NEK6: variants seen among roughly 807,000 people sequenced by gnomAD.
The protein encoded by NEK6 is serine/threonine-protein kinase Nek6.
A neutral mutation model predicts 43.5 loss-of-function variants in NEK6; 27 were observed. That is an observed-to-expected ratio of 0.62 (90% CI 0.46 to 0.86). The LOEUF is 0.86. Ranked by LOEUF, NEK6 falls within the 40% of genes least tolerant of loss-of-function variation. NEK6 has a pLI of 0.00. For synonymous variants in NEK6, 167 were observed against 164.1 expected (o/e 1.02, Z -0.14); for missense variants, 318 against 414.4 (o/e 0.77, Z 2.02).
intron 9 of NEK6, among the ~76,000 whole-genome samples, chr9:124,348,134 C>T (rs1830047089): frequency 1.3e-5 from 2 of 152,318 alleles, no homozygotes; most frequent in Admixed American, 1.3e-4. Flanking sequence ...GTCCCCAGGA[C>T]AGGGTCTGTG....
chr9:124,277,505 T>C (rs1396946750), intron 1 of NEK6, among the ~76,000 whole-genome samples: 1 of 152,168 alleles, frequency 6.6e-6, no homozygotes, highest in Non-Finnish European at 1.5e-5. Context: ...TCCTACCCTT[T>C]CCTGCTGGGT....
In NEK6 at chr9:124,324,710, T is replaced by C. The variant is rs1834247779; in HGVS notation, c.406-1620T>C. Among the ~76,000 whole-genome samples, 1 of 151,926 alleles carries C rather than the reference T, an allele frequency of 6.6e-6. No homozygotes were observed. Among genetic ancestry groups the C allele is most frequent in the Admixed American group, 6.5e-5 (1 of 15,268 alleles). On this transcript the variant is annotated intron_variant, in intron 5 of 9. Transcript: ENST00000320246. The surrounding 1 kb of genome is among the most constrained non-coding windows in gnomAD (Gnocchi z 5.3). ...TGAGAGGGCCTCCCAGAATTGTACC[T>C]CAGAACAGCCTCGAGGGGATTTACG...
chr9:124,297,842 G>C (rs1458954365), intron 1 of NEK6, among the ~76,000 whole-genome samples: 4 of 152,172 alleles, frequency 2.6e-5, no homozygotes, highest in Admixed American at 6.5e-5. Context: ...CGTGTGGCTC[G>C]TCCTTCCACG....
intron 1 of NEK6, among the ~76,000 whole-genome samples, chr9:124,279,876 G>A (rs1260733056): frequency 2.0e-5 from 3 of 152,252 alleles, no homozygotes; most frequent in African/African-American, 7.2e-5. Flanking sequence ...CCTGTGGGAG[G>A]GGAAGGCCTT....
intron 2 of NEK6, among the ~76,000 whole-genome samples, chr9:124,304,682 C>T (rs73666854): frequency 0.01 from 1,586 of 152,312 alleles, 34 homozygotes; most frequent in African/African-American, 0.036. Context: ...AAAGAAACTA[C>T]AACCACCTGA....
At chr9:124,262,225 A>G (rs998341605) in intron 1 of NEK6, among the ~76,000 whole-genome samples, 2 of 152,204 alleles carry the variant, frequency 1.3e-5, no homozygotes, top group African/African-American at 4.8e-5. Context: ...TTAGTTTAAA[A>G]AGAAAAAAAA....
intron 2 of NEK6, among the ~76,000 whole-genome samples, chr9:124,308,731 T>C (rs545423117): frequency 4.0e-5 from 6 of 151,776 alleles, no homozygotes; most frequent in African/African-American, 1.5e-4. Flanking sequence ...GTGATCACAT[T>C]TGGGGCCACC....
intron 8 of NEK6, among the ~76,000 whole-genome samples, chr9:124,340,653 A>T (rs1588541060): frequency 6.6e-6 from 1 of 152,166 alleles, no homozygotes; most frequent in Non-Finnish European, 1.5e-5. Flanking sequence ...CTTTCCCTGG[A>T]GCTGACTTGA....
intron 7 of NEK6, among the ~76,000 whole-genome samples, chr9:124,335,469 G>T (rs1048293062): frequency 6.6e-6 from 1 of 152,146 alleles, no homozygotes; most frequent in African/African-American, 2.4e-5. Context: ...GCTTGTTTGG[G>T]GATTATTGCC....
intron 2 of NEK6, among the ~76,000 whole-genome samples, chr9:124,305,283 G>A (rs905975750): frequency 2.0e-5 from 3 of 152,288 alleles, no homozygotes; most frequent in East Asian, 1.9e-4. Context: ...GGCCGGGCAC[G>A]GTGGCTCACA....
chr9:124,326,318 C>A lies in NEK6; in HGVS notation c.406-12C>A. The A allele has an allele frequency of 6.2e-7, 1 of 1,600,020 alleles. No individual in the cohort carries two copies. Among genetic ancestry groups the A allele is most frequent in the South Asian group, 1.1e-5 (1 of 90,924 alleles). On this transcript the variant is annotated splice_polypyrimidine_tract_variant and intron_variant, in intron 5 of 9. Coordinates refer to ENST00000320246, the MANE Select transcript of NEK6 (RefSeq NM_014397.6). This position sits in a 1 kb window ranked among gnomAD's most constrained non-coding sequence, Gnocchi z 4.5. ...CCCGGGCCTATCCCTCTGCTTGTCT[C>A]CCCCACTGCAGTACTTTAAGAAGCA...
chr9:124,289,726 G>C (rs535741852), intron 1 of NEK6, among the ~76,000 whole-genome samples: 1 of 152,314 alleles, frequency 6.6e-6, no homozygotes, highest in Admixed American at 6.5e-5. Flanking sequence ...TTTAATTCCA[G>C]AGCAACCCAG....
Position 124,347,869 on chromosome 9 carries a change from G to A in NEK6, c.831+47G>A, listed in dbSNP as rs200875957. 1,109 of 1,155,032 alleles carry A rather than the reference G, an allele frequency of 9.6e-4. 6 individuals carry two copies. The African/African-American group carries it at 0.014, about 15-fold the overall frequency. The allele number at this position is 1,155,032 out of a possible 1,614,324, so 71.5% of individuals were successfully genotyped here. A position where few individuals can be genotyped will look rare whatever the true frequency, so the allele number is the denominator to read the frequency against. On this transcript the variant is annotated intron_variant, in intron 9 of 9. Transcript: ENST00000320246. ...GCCTCGCCAGCCCCAGGAGGCCACC[G>A]AGGCTTATGAGGGCCGCTCCAAAAC...
chr9:124,333,555 C>T (rs970942310), intron 7 of NEK6, among the ~76,000 whole-genome samples: 4 of 152,182 alleles, frequency 2.6e-5, no homozygotes, highest in African/African-American at 9.7e-5. Flanking sequence ...TTCCGTTGCA[C>T]AGATGCTCAC....
chr9:124,281,524 A>G (rs1831912058), intron 1 of NEK6, among the ~76,000 whole-genome samples: 1 of 113,920 alleles, frequency 8.8e-6, no homozygotes, highest in Non-Finnish European at 1.7e-5. Context: ...TTTTGGAGGC[A>G]GAATCTCACT....
chr9:124,264,552 C>T (rs983890973), intron 1 of NEK6, among the ~76,000 whole-genome samples: 1 of 152,194 alleles, frequency 6.6e-6, no homozygotes, highest in African/African-American at 2.4e-5. Context: ...TGCCTATAAT[C>T]CCAGCACTTT....
chr9:124,331,923 G>C (rs1041638335), intron 7 of NEK6, among the ~76,000 whole-genome samples: 2 of 152,254 alleles, frequency 1.3e-5, no homozygotes, highest in Admixed American at 1.3e-4. Flanking sequence ...GATCCTGTCA[G>C]TCCCTCGGGC....
chr9:124,338,207 C>T (rs1057238583), intron 7 of NEK6, among the ~76,000 whole-genome samples: 1 of 152,228 alleles, frequency 6.6e-6, no homozygotes, highest in African/African-American at 2.4e-5. Context: ...TCTCAAACTC[C>T]TGACCTCAGG....
At chr9:124,333,329 C>T (rs1667649910) in intron 7 of NEK6, among the ~76,000 whole-genome samples, 1 of 152,228 alleles carries the variant, frequency 6.6e-6, no homozygotes, top group Admixed American at 6.5e-5. Context: ...GCTCCTGTAG[C>T]TTCCCACAGC....
Sources: allele counts gnomAD v4.1 joint callset (sites outside exome capture counted in the v4.1 genomes callset), GRCh38; gene constraint gnomAD v4.1.1; non-coding constraint Gnocchi (gnomAD v3.1); transcripts MANE v1.5; gene names NCBI Gene and HGNC (gene_info 2026-07-23, HGNC 2026-07-21).